Variants in PAPLN observed in about 807,000 individuals in gnomAD.
The protein encoded by PAPLN is papilin.
Under a neutral mutation model 159.0 loss-of-function variants are expected in PAPLN, and 146 were observed. That is an observed-to-expected ratio of 0.92 (90% CI 0.80 to 1.05). The LOEUF (loss-of-function observed/expected upper bound fraction) is 1.05. Among genes scored for constraint, PAPLN ranks in the 50% least tolerant of loss-of-function variants. PAPLN has a pLI of 0.00. For missense variants in PAPLN, 1,720 were observed against 1,743.9 expected (o/e 0.99, Z 0.24); for synonymous variants, 734 against 702.9 (o/e 1.04, Z -0.70).
intron 2 of PAPLN, among the ~76,000 whole-genome samples, chr14:73,240,320 A>G (rs1434554781): frequency 6.6e-6 from 1 of 152,130 alleles, no homozygotes. Context: ...AGATGGCAGA[A>G]ATGTCCTGTT....
intron 19 of PAPLN, 195 bp from the exon 20 acceptor site, chr14:73,263,450 C>G: frequency 1.5e-6 from 1 of 654,738 alleles, no homozygotes; most frequent in Non-Finnish European, 2.6e-6. Flanking sequence ...CTTGGGGGAG[C>G]CGGGGGCAGG....
intron 15 of PAPLN, 81 bp from the exon 16 acceptor site, chr14:73,259,188 G>A: frequency 2.0e-6 from 3 of 1,523,878 alleles, no homozygotes; most frequent in Non-Finnish European, 1.8e-6. Context: ...AGGGGACGGA[G>A]GAAGGTGGGT....
At chr14:73,260,379 C>G (rs1203538254) in intron 16 of PAPLN, among the ~76,000 whole-genome samples, 2 of 152,156 alleles carry the variant, frequency 1.3e-5, no homozygotes, top group Non-Finnish European at 2.9e-5. Flanking sequence ...TTTGTAACCC[C>G]CGCTGTGAAC....
In PAPLN at chr14:73,266,551, A is replaced by T; in HGVS notation, c.3314A>T (p.Glu1105Val). The T allele has an allele frequency of 6.2e-7, 1 of 1,614,152 alleles. No homozygotes were observed. Among genetic ancestry groups the T allele is most frequent in the African/African-American group, 1.3e-5 (1 of 75,050 alleles). Residue 1105 changes from glutamate to valine, a missense_variant, in exon 24 of 27, where the codon GAA becomes GTA. Physicochemically the swap from Glu to Val is moderately radical, Grantham distance 121 (BLOSUM62 -2). Coordinates refer to ENST00000644200, the MANE Select transcript of PAPLN (RefSeq NM_001365906.3). ...GSLVISRVAV[E>V]DGGFYTCVAF... ...CTGGTCATTAGCCGAGTGGCTGTAG[A>T]AGATGGCGGCTTCTACACCTGTGTC...
At chr14:73,259,721 C>T (rs1384592119) in intron 16 of PAPLN, among the ~76,000 whole-genome samples, 176 bp downstream of exon 16, 1 of 152,168 alleles carries the variant, frequency 6.6e-6, no homozygotes, top group African/African-American at 2.4e-5. Flanking sequence ...GGGGACTTGG[C>T]TTCCTGTGGC....
At chr14:73,244,111 G>T in intron 2 of PAPLN, 1 of 158,256 alleles carries the variant, frequency 6.3e-6, no homozygotes, top group Non-Finnish European at 1.4e-5. Context: ...GTTAGCTGCA[G>T]GCAGTCCAGG....
chr14:73,260,054 T>C lies in PAPLN; in HGVS notation c.1985+509T>C, dbSNP rs919958743. On this transcript the variant is annotated intron_variant, in intron 16 of 26. Transcript: ENST00000644200. ...TGTGCTGTCTCAGAGACCAGGTGCT[T>C]CTGGGCCCAGACTTTGTGGCCAGTA... Among the ~76,000 whole-genome samples the C allele has an allele frequency of 5.3e-5, 8 of 152,244 alleles. No homozygotes were observed. In the South Asian group the frequency reaches 1.7e-3, roughly 32 times the overall value.
intron 2 of PAPLN, among the ~76,000 whole-genome samples, chr14:73,241,560 T>G (rs1883539083): frequency 6.6e-6 from 1 of 152,222 alleles, no homozygotes; most frequent in African/African-American, 2.4e-5. Flanking sequence ...CTGAGTAGCC[T>G]CATCCGGCTG....
At position 73,245,719 on chromosome 14, in the gene PAPLN, G is replaced by A. The variant is rs886728190; in HGVS notation, c.231+23G>A. 1.9e-6 allele frequency: 3 copies of A among 1,538,578 alleles called. No individual in the cohort carries two copies. Among genetic ancestry groups the A allele is most frequent in the South Asian group, 1.2e-5 (1 of 84,052 alleles). On this transcript the variant is annotated intron_variant, in intron 4 of 26. Transcript: ENST00000644200. The surrounding 1 kb of genome is among the most constrained non-coding windows in gnomAD (Gnocchi z 4.2). ...GAGGTAAAGCTCACGGGGCGCGGGC[G>A]AAGGCACCAGCTTCCCCAGCCCCTC...
At chr14:73,260,568 C>T in intron 16 of PAPLN, 141 bp from the exon 17 acceptor site, 1 of 1,146,884 alleles carries the variant, frequency 8.7e-7, no homozygotes, top group Non-Finnish European at 1.1e-6. Flanking sequence ...ATGGCCTGCC[C>T]TGCACACGGG....
intron 20 of PAPLN, 78 bp downstream of exon 20, chr14:73,263,860 C>T: frequency 2.1e-6 from 3 of 1,438,956 alleles, no homozygotes; most frequent in Non-Finnish European, 2.8e-6. Context: ...TGTGACAGCT[C>T]CCCCACCTCC....
At chr14:73,246,395 C>A (rs1884330528) in intron 5 of PAPLN, among the ~76,000 whole-genome samples, 1 of 121,208 alleles carries the variant, frequency 8.3e-6, no homozygotes, top group African/African-American at 3.4e-5. Flanking sequence ...TGTACCCGAC[C>A]AATTTTTTTT....
chr14:73,239,114 ACACACTGCACTG>A (rs1301086434), intron 1 of PAPLN, among the ~76,000 whole-genome samples: 7 of 151,982 alleles, frequency 4.6e-5, no homozygotes, highest in Non-Finnish European at 1.0e-4. Context: ...GACACTCCAC[ACACACTGCACTG>A]CACACTGCCC....
chr14:73,244,933 T>G, intron 3 of PAPLN, 174 bp downstream of exon 3: 2 of 543,248 alleles, frequency 3.7e-6, no homozygotes, highest in East Asian at 3.4e-5. Context: ...ATCAAACCAT[T>G]TCCCAGGGCC....
Position 73,254,875 on chromosome 14 carries a change from A to G in PAPLN, c.1486-2A>G. 1 of 1,610,994 alleles carries G rather than the reference A, an allele frequency of 6.2e-7. No individual in the cohort carries two copies. The highest frequency in any genetic ancestry group is 8.5e-7 in the Non-Finnish European group (1 of 1,179,848). On this transcript the variant is annotated splice_acceptor_variant, in intron 13 of 26. Transcript: ENST00000644200. LOFTEE classifies it high-confidence loss of function. ...TCTCTCTCTCCCACTCGTGGGCCTC[A>G]GTGCTCCAAGAGCTGCAGCTCGGGC...
intron 22 of PAPLN, 56 bp downstream of exon 22, chr14:73,264,782 G>A: frequency 2.5e-6 from 4 of 1,604,590 alleles, no homozygotes; most frequent in East Asian, 2.2e-5. Context: ...AGGGCCGGGG[G>A]TCTCAGTGGA....
rs778227583 is a variant in PAPLN at position 73,239,826 on chromosome 14, G to C, written c.48G>C (p.Gly16=). The C allele has an allele frequency of 5.7e-6, 9 of 1,590,378 alleles. 1 individual carries two copies. In the East Asian group the frequency reaches 2.0e-4, roughly 36 times the overall value. Residue 16 remains glycine (G), a synonymous_variant, in exon 2 of 27, where the codon GGG becomes GGC. Coordinates refer to ENST00000644200, the MANE Select transcript of PAPLN (RefSeq NM_001365906.3). The stretch of plus-strand genomic sequence containing the variant: ...CGCTGCTGCTGGCTCCAGCGCCCGG[G>C]TCCTCGGTGAGTGCGGTCCTGCCCC... ...LVPLLLAPAP[G]SSAPKVRRQS...
rs758574549 is a variant in PAPLN at position 73,272,641 on chromosome 14, C to T, written c.3814C>T (p.His1272Tyr). Residue 1272 changes from histidine to tyrosine, a missense_variant, in exon 27 of 27, where the codon CAC becomes TAC. Physicochemically the swap from His to Tyr is moderately conservative, Grantham distance 83 (BLOSUM62 2). Coordinates refer to ENST00000644200, the MANE Select transcript of PAPLN (RefSeq NM_001365906.3). ...TGCCAGCTGTTCACGTTTCCAGCCT[C>T]ACGCTCAGCCCATCTGGCAGTAGGG... ...CCASCSRFQPHAQPIWQ is the reference protein window; with the variant it reads ...CCASCSRFQPYAQPIWQ 6.3e-7 allele frequency: 1 copy of T among 1,583,212 alleles called. No individual in the cohort carries two copies. The highest frequency in any genetic ancestry group is 8.7e-7 in the Non-Finnish European group (1 of 1,155,370).
intron 20 of PAPLN, 184 bp from the exon 21 acceptor site, chr14:73,264,027 C>T: frequency 6.5e-7 from 1 of 1,530,908 alleles, no homozygotes; most frequent in Non-Finnish European, 8.7e-7. Flanking sequence ...TGACAGCTCC[C>T]TCCACCTCCG....
Sources: allele counts gnomAD v4.1 joint callset (sites outside exome capture counted in the v4.1 genomes callset), GRCh38; gene constraint gnomAD v4.1.1; non-coding constraint Gnocchi (gnomAD v3.1); transcripts MANE v1.5; gene names NCBI Gene and HGNC (gene_info 2026-07-23, HGNC 2026-07-21).